GRIP1: variants seen among roughly 807,000 people sequenced by gnomAD.
GRIP1 encodes the protein glutamate receptor-interacting protein 1.
A neutral mutation model predicts 129.9 loss-of-function variants in GRIP1; 45 were observed. That is an observed-to-expected ratio of 0.35 (90% CI 0.27 to 0.44). The LOEUF is 0.44. Ranked by LOEUF, GRIP1 falls within the 20% of genes least tolerant of loss-of-function variation. The probability of loss-of-function intolerance (pLI) is 1.00; values close to 1 mark genes in which losing one functional copy is unlikely to be tolerated. For missense variants in GRIP1, 1,196 were observed against 1,396.8 expected (o/e 0.86, Z 2.29); for synonymous variants, 530 against 520.8 (o/e 1.02, Z -0.24).
At chr12:66,848,469 T>C (rs2039856917) in intron 1 of GRIP1, among the ~76,000 whole-genome samples, 1 of 152,070 alleles carries the variant, frequency 6.6e-6, no homozygotes, top group Non-Finnish European at 1.5e-5. Flanking sequence ...CATCCAACAA[T>C]TACAACCCAG....
intron 23 of GRIP1, among the ~76,000 whole-genome samples, chr12:66,355,944 GT>G (rs1380477025): frequency 6.6e-6 from 1 of 152,186 alleles, no homozygotes; most frequent in Non-Finnish European, 1.5e-5. Context: ...TAATTCTGGA[GT>G]TCCAGCCATC....
intron 1 of GRIP1, among the ~76,000 whole-genome samples, chr12:66,731,805 G>T (rs1002722294): frequency 3.9e-5 from 6 of 152,156 alleles, no homozygotes; most frequent in African/African-American, 1.2e-4. Context: ...AATCTTGAGA[G>T]AATTCTTCAT....
intron 1 of GRIP1, among the ~76,000 whole-genome samples, chr12:66,982,332 G>C (rs892203759): frequency 1.3e-5 from 2 of 152,082 alleles, no homozygotes; most frequent in African/African-American, 4.8e-5. Context: ...CAACTTCTAG[G>C]ATGGCTCTTA....
Position 66,874,577 on chromosome 12 carries a change from GAAA to G in GRIP1, c.58+194470_58+194472del, listed in dbSNP as rs1307903831. 9.2e-5 allele frequency among the ~76,000 whole-genome samples: 14 copies of G among 152,154 alleles called. No individual in the cohort carries two copies. The East Asian group carries it at 2.7e-3, about 29-fold the overall frequency. ...GCTTCTGCTTCTGGGGAGGCCTCAG[GAAA>G]CTTACAATCATGGAAGAAGGCGAAG... On this transcript the variant is annotated intron_variant, in intron 1 of 1. Transcript: ENST00000643019.
intron 1 of GRIP1, among the ~76,000 whole-genome samples, chr12:66,934,517 T>C (rs12813453): frequency 0.21 from 31,559 of 152,212 alleles, 3,535 homozygotes; most frequent in South Asian, 0.26. Context: ...TTTGTTAGCA[T>C]GGTTTCACAC....
chr12:66,813,381 C>T (rs1041456910), intron 1 of GRIP1, among the ~76,000 whole-genome samples: 5 of 152,186 alleles, frequency 3.3e-5, no homozygotes, highest in Non-Finnish European at 7.4e-5. Context: ...CTCCACTAGG[C>T]CCCACCTCCA....
chr12:66,683,782 A>G (rs939388378), upstream of GRIP1, among the ~76,000 whole-genome samples: 1 of 152,236 alleles, frequency 6.6e-6, no homozygotes, highest in African/African-American at 2.4e-5. Context: ...TTAGAAATTC[A>G]TCAGCTAAAA....
chr12:66,922,519 G>A (rs1198253240), intron 1 of GRIP1, among the ~76,000 whole-genome samples: 1 of 152,184 alleles, frequency 6.6e-6, no homozygotes. Flanking sequence ...CAGACTGCAA[G>A]TATTTATGAA....
chr12:66,454,248 T>A (rs2058889310), intron 11 of GRIP1, among the ~76,000 whole-genome samples: 1 of 152,184 alleles, frequency 6.6e-6, no homozygotes. Flanking sequence ...CCTGGGGAGA[T>A]GAATCTCTTG....
At chr12:66,594,676 T>C (rs532796807) in intron 2 of GRIP1, among the ~76,000 whole-genome samples, 2 of 152,202 alleles carry the variant, frequency 1.3e-5, no homozygotes, top group Admixed American at 6.5e-5. Flanking sequence ...GATTTTTCAT[T>C]TGAAGCTCTG....
Position 66,348,786 on chromosome 12 carries a change from G to A in GRIP1, c.*233C>T, listed in dbSNP as rs919288577. 17 of 546,756 alleles carry A rather than the reference G, an allele frequency of 3.1e-5. No individual in the cohort carries two copies. Among genetic ancestry groups the A allele is most frequent in the East Asian group, 6.1e-5 (2 of 33,004 alleles). 33.9% of individuals were successfully genotyped at this position (546,756 alleles called of 1,614,324 possible). On this transcript the variant is annotated 3_prime_UTR_variant, in exon 25 of 25. Coordinates refer to ENST00000359742, the MANE Select transcript of GRIP1 (RefSeq NM_001366722.1). Reference sequence around the variant, plus strand: ...GGGGGACGGCCTATTTTTCTCTACCGTTGGGACTGGCAGGGCATTGCCCAC... The same window carrying A: ...GGGGGACGGCCTATTTTTCTCTACCATTGGGACTGGCAGGGCATTGCCCAC...
intron 13 of GRIP1, among the ~76,000 whole-genome samples, chr12:66,440,155 T>G (rs1413972444): frequency 6.6e-6 from 1 of 152,210 alleles, no homozygotes; most frequent in Non-Finnish European, 1.5e-5. Flanking sequence ...CCTTTTCTTT[T>G]CTTTTTTAAA....
intron 1 of GRIP1, among the ~76,000 whole-genome samples, chr12:67,005,463 C>T (rs1278320712): frequency 6.6e-6 from 1 of 152,296 alleles, no homozygotes; most frequent in Admixed American, 6.5e-5. Flanking sequence ...GTGCTGAGCA[C>T]TTAACTTGGG....
intron 14 of GRIP1, among the ~76,000 whole-genome samples, chr12:66,425,732 A>T (rs906267069): frequency 6.6e-6 from 1 of 152,102 alleles, no homozygotes; most frequent in Admixed American, 6.5e-5. Context: ...ACAAAAAACC[A>T]AACACCGCAT....
At chr12:67,049,486 C>T (rs2043306859) in intron 1 of GRIP1, among the ~76,000 whole-genome samples, 1 of 152,086 alleles carries the variant, frequency 6.6e-6, no homozygotes, top group African/African-American at 2.4e-5. Flanking sequence ...CCGCGTGTTC[C>T]CACTCACAAG....
chr12:66,506,508 T>C (rs2060531075), intron 7 of GRIP1, among the ~76,000 whole-genome samples: 1 of 152,126 alleles, frequency 6.6e-6, no homozygotes. Flanking sequence ...GTTTAGGAAA[T>C]CAAGACAGGG....
chr12:66,376,792 C>T (rs73121612), intron 22 of GRIP1, among the ~76,000 whole-genome samples: 1,585 of 152,284 alleles, frequency 0.01, 15 homozygotes, highest in Middle Eastern at 0.048. Flanking sequence ...GAATGGGATG[C>T]GCCGCTGCTG....
chr12:66,547,301 T>G (rs1244249921), intron 2 of GRIP1, among the ~76,000 whole-genome samples: 10 of 152,112 alleles, frequency 6.6e-5, no homozygotes, highest in Non-Finnish European at 1.5e-4. Context: ...TGCAGAAAAT[T>G]AGATCACTCT....
At chr12:66,559,343 A>C (rs1284270654) in intron 2 of GRIP1, among the ~76,000 whole-genome samples, 1 of 152,140 alleles carries the variant, frequency 6.6e-6, no homozygotes, top group Non-Finnish European at 1.5e-5. Flanking sequence ...GAGCAATCAG[A>C]TAAGAGAAAG....
Sources: gnomAD v4.1 joint callset for allele counts (sites outside exome capture counted in the v4.1 genomes callset) on GRCh38, gnomAD v4.1.1 for gene constraint, MANE v1.5 for transcripts, NCBI Gene and HGNC (gene_info 2026-07-23, HGNC 2026-07-21) for gene names.